The following NLN variants were observed in gnomAD, a reference collection of about 807,000 sequenced individuals.
The protein encoded by NLN is neurolysin.
NLN carries 64 observed loss-of-function variants against 79.9 expected under a neutral mutation model. The ratio of observed to expected loss-of-function variants is 0.80; its 90% CI spans 0.65 to 0.99. The LOEUF is 0.99. Among genes scored for constraint, NLN ranks in the 50% least tolerant of loss-of-function variants. The pLI is 0.00. For missense variants in NLN, 835 were observed against 858.7 expected, an observed-to-expected ratio of 0.97 and a Z score of 0.34; for synonymous variants, 267 against 296.6, an observed-to-expected ratio of 0.90 and a Z score of 1.02.
At position 65,734,161 on chromosome 5, in the gene NLN, T is replaced by C. The variant is rs1420895389; in HGVS notation, c.41+11747T>C. On this transcript the variant is annotated intron_variant, in intron 1 of 12. Coordinates refer to ENST00000380985, the MANE Select transcript of NLN (RefSeq NM_020726.5). ...ATCCACCCGCCTCGGCCTCCCAAAG[T>C]GTAATTTTTGTATTTTTAGTAGAGA... Among the ~76,000 whole-genome samples, 4 of 138,746 alleles carry C rather than the reference T, an allele frequency of 2.9e-5. 1 individual carries two copies. The highest frequency in any genetic ancestry group is 6.4e-5 in the Non-Finnish European group (4 of 62,980). 91.0% of individuals were successfully genotyped at this position (138,746 alleles called of 152,430 possible).
Position 65,781,476 on chromosome 5 carries a change from G to A in NLN, c.822+55G>A, listed in dbSNP as rs889909978. 7 of 1,337,024 alleles carry A rather than the reference G, an allele frequency of 5.2e-6. No individual in the cohort carries two copies. In the South Asian group the frequency reaches 7.2e-5, roughly 14 times the overall value. The allele number at this position is 1,337,024 out of a possible 1,614,324, so 82.8% of individuals were successfully genotyped here. ...TTTAATGGAATATTTTAAGAAAAGGGTTTACTTTGTTCACCAGTGTCAAAG... is the reference window on the plus strand; with the variant it reads ...TTTAATGGAATATTTTAAGAAAAGGATTTACTTTGTTCACCAGTGTCAAAG... On this transcript the variant is annotated intron_variant, in intron 6 of 12. Coordinates refer to ENST00000380985, the MANE Select transcript of NLN (RefSeq NM_020726.5).
chr5:65,789,045 A>T (rs1039314825), intron 8 of NLN, among the ~76,000 whole-genome samples: 35 of 152,026 alleles, frequency 2.3e-4, no homozygotes, highest in Non-Finnish European at 1.2e-4. Flanking sequence ...AAGCAGGAGG[A>T]TCACTTGAGT....
intron 1 of NLN, among the ~76,000 whole-genome samples, chr5:65,740,084 G>A (rs1259776016): frequency 6.6e-6 from 1 of 152,064 alleles, no homozygotes; most frequent in African/African-American, 2.4e-5. Flanking sequence ...TAGTGTTATG[G>A]AGCTTTTCCC....
chr5:65,810,777 C>T (rs1760527643), intron 11 of NLN, among the ~76,000 whole-genome samples: 3 of 151,802 alleles, frequency 2.0e-5, no homozygotes, highest in African/African-American at 7.3e-5. Flanking sequence ...CTCGGGAGTT[C>T]GAGACCAGCC....
rs1759703328 is a variant in NLN, at chr5:65,777,441, G to A, written c.465G>A (p.Leu155=). ...TTTAATTTCAGGAAACCTGTGATCTGGGGAAGATAAAACCTGAGGCCAGAC... is the reference window on the plus strand; with the variant it reads ...TTTAATTTCAGGAAACCTGTGATCTAGGGAAGATAAAACCTGAGGCCAGAC... ...RIVHLQETCD[L]GKIKPEARRY... The change falls in exon 4 of 13, where the codon CTG becomes CTA. Residue 155 remains leucine (L), a synonymous_variant. Transcript: ENST00000380985. The A allele has an allele frequency of 3.1e-6, 5 of 1,609,604 alleles. No homozygotes were observed. The highest frequency in any genetic ancestry group is 4.3e-6 in the Non-Finnish European group (5 of 1,176,204).
intron 1 of NLN, among the ~76,000 whole-genome samples, chr5:65,734,903 A>G (rs1419951688): frequency 6.6e-6 from 1 of 152,230 alleles, no homozygotes; most frequent in Non-Finnish European, 1.5e-5. Flanking sequence ...TCCTCTGCCA[A>G]GATACAAAAT....
chr5:65,722,724 T>G lies in NLN; in HGVS notation c.41+310T>G. 1.7e-5 allele frequency: 7 copies of G among 405,494 alleles called. No individual in the cohort carries two copies. In the South Asian group the frequency reaches 2.1e-4, roughly 12 times the overall value. The allele number at this position is 405,494 out of a possible 1,614,324, so 25.1% of individuals were successfully genotyped here. On this transcript the variant is annotated intron_variant, in intron 1 of 12. Coordinates refer to ENST00000380985, the MANE Select transcript of NLN (RefSeq NM_020726.5). ...GCAAATAGTTTGGATAAGAAAATCA[T>G]TTCACGTTCAATCCCAATGCAGAAC...
rs759670127 is a variant in NLN at position 65,792,662 on chromosome 5, T to A, written c.1527+7T>A. On this transcript the variant is annotated splice_region_variant and intron_variant, in intron 9 of 12. Coordinates refer to ENST00000380985, the MANE Select transcript of NLN (RefSeq NM_020726.5). Reference sequence around the variant, plus strand: ...GCATCAGATTTGTGCACAGGTGAGTTTTTTTTTTCCCCCAGTAAACCTGCC... The same window carrying A: ...GCATCAGATTTGTGCACAGGTGAGTATTTTTTTTCCCCCAGTAAACCTGCC... 1 of 1,599,934 alleles carries A rather than the reference T, an allele frequency of 6.3e-7. No individual in the cohort carries two copies. The highest frequency in any genetic ancestry group is 1.7e-5 in the Admixed American group (1 of 59,218).
intron 6 of NLN, 129 bp downstream of exon 6, chr5:65,781,550 T>A: frequency 1.4e-6 from 1 of 695,342 alleles, no homozygotes; most frequent in Non-Finnish European, 2.5e-6. Context: ...CTCTAATTCC[T>A]CAGACTTACA....
chr5:65,783,400 G>T (rs941087455), intron 6 of NLN, among the ~76,000 whole-genome samples: 1 of 152,084 alleles, frequency 6.6e-6, no homozygotes, highest in African/African-American at 2.4e-5. Flanking sequence ...GGGTCATTGA[G>T]GTCATCTTCA....
intron 1 of NLN, among the ~76,000 whole-genome samples, chr5:65,730,454 A>G (rs1268869855): frequency 2.6e-5 from 4 of 152,044 alleles, no homozygotes. Flanking sequence ...TAAAGAGACC[A>G]TTGTGACTAG....
intron 1 of NLN, among the ~76,000 whole-genome samples, chr5:65,740,697 C>T (rs1302671060): frequency 6.6e-6 from 1 of 151,780 alleles, no homozygotes; most frequent in African/African-American, 2.4e-5. Context: ...CTGGCATCTT[C>T]GTCCAAAATC....
At chr5:65,763,235 T>C (rs987624441) in intron 3 of NLN, 127 bp downstream of exon 3, 1 of 749,140 alleles carries the variant, frequency 1.3e-6, no homozygotes, top group Admixed American at 2.7e-5. Context: ...AAAACCATAA[T>C]GGGCATTATA....
At chr5:65,780,110 G>A in intron 4 of NLN, 69 bp from the exon 5 acceptor site, 1 of 706,216 alleles carries the variant, frequency 1.4e-6, no homozygotes. Flanking sequence ...ACAGGTGTGG[G>A]CCACCGTGCC....
chr5:65,774,313 A>G (rs888256227), intron 3 of NLN, among the ~76,000 whole-genome samples: 4 of 152,196 alleles, frequency 2.6e-5, no homozygotes, highest in Non-Finnish European at 5.9e-5. Context: ...ATCACTTCTA[A>G]GAACTTTAGC....
rs756657022 is a variant in NLN, at chr5:65,809,650, A to G, written c.1663A>G (p.Ile555Val). The G allele has an allele frequency of 1.7e-5, 28 of 1,613,298 alleles. 1 individual carries two copies. The South Asian group carries it at 2.9e-4, about 16-fold the overall frequency. The change falls in exon 10 of 13, where the codon ATT becomes GTT. Residue 555 changes from isoleucine (I) to valine (V), a missense_variant. Transcript: ENST00000380985. Reference protein sequence around the residue: ...LSKHYKDGSPIADDLLEKLVA... With the variant: ...LSKHYKDGSPVADDLLEKLVA... ...AAAACATTATAAAGATGGAAGCCCT[A>G]TTGCAGACGATCTGCTTGAAAAACT...
chr5:65,723,830 A>T (rs926061566), intron 1 of NLN, among the ~76,000 whole-genome samples: 6 of 150,118 alleles, frequency 4.0e-5, no homozygotes, highest in African/African-American at 1.5e-4. Context: ...AAAAAAAAAA[A>T]AAAAAAGAAC....
rs374450754 is a variant in NLN, at chr5:65,810,613, C to T, written c.1843+448C>T. Among the ~76,000 whole-genome samples, 21 of 152,268 alleles carry T rather than the reference C, an allele frequency of 1.4e-4. No homozygotes were observed. In the East Asian group the frequency reaches 3.3e-3, roughly 24 times the overall value. ...CTTTGTGTTACATACAGTCCACTTG[C>T]ACTCTTTTAGTTATTTTTAAATGTA... On this transcript the variant is annotated intron_variant, in intron 11 of 12. Transcript: ENST00000380985.
rs545456519 is a variant in NLN at position 65,799,284 on chromosome 5, G to C, written c.1527+6629G>C. Among the ~76,000 whole-genome samples the C allele has an allele frequency of 3.3e-4, 50 of 152,226 alleles. 1 individual carries two copies. Among genetic ancestry groups the C allele is most frequent in the East Asian group, 2.1e-3 (11 of 5,190 alleles). Reference sequence around the variant, plus strand: ...AAAGAAAGAAAAGTTATAGTATCTTGAATGTTCAGAATTTAGCTTGAGGAC... The same window carrying C: ...AAAGAAAGAAAAGTTATAGTATCTTCAATGTTCAGAATTTAGCTTGAGGAC... On this transcript the variant is annotated intron_variant, in intron 9 of 12. Coordinates refer to ENST00000380985, the MANE Select transcript of NLN (RefSeq NM_020726.5).
Sources: allele counts gnomAD v4.1 joint callset (sites outside exome capture counted in the v4.1 genomes callset), GRCh38; gene constraint gnomAD v4.1.1; transcripts MANE v1.5; gene names NCBI Gene and HGNC (gene_info 2026-07-23, HGNC 2026-07-21).